SNX9: variants seen among roughly 807,000 people sequenced by gnomAD.
The protein encoded by SNX9 is sorting nexin-9.
In SNX9, 44 loss-of-function variants were observed where a neutral mutation model predicts 89.4. That is an observed-to-expected ratio of 0.49 (90% CI 0.39 to 0.63). SNX9 has a LOEUF of 0.63. Ranked by LOEUF, SNX9 falls within the 30% of genes least tolerant of loss-of-function variation. SNX9 has a pLI of 0.00. For synonymous variants in SNX9, 236 were observed against 247.8 expected (o/e 0.95, Z 0.45); for missense variants, 578 against 736.1 (o/e 0.79, Z 2.49).
intron 16 of SNX9, 48 bp from the exon 17 acceptor site, chr6:157,940,835 T>G: frequency 1.9e-6 from 3 of 1,553,544 alleles, no homozygotes; most frequent in Non-Finnish European, 2.7e-6. Context: ...GGTGTTGTCA[T>G]TTGAAAACTT....
chr6:157,938,746 A>G lies in SNX9; in HGVS notation c.1647A>G (p.Gln549=). 1 of 1,611,672 alleles carries G rather than the reference A, an allele frequency of 6.2e-7. No individual in the cohort carries two copies. The highest frequency in any genetic ancestry group is 1.3e-5 in the African/African-American group (1 of 74,914). Residue 549 remains glutamine (Q), a splice_region_variant and synonymous_variant, in exon 16 of 18, where the codon CAA becomes CAG. Transcript: ENST00000392185. ...KRVSIMSYAL[Q]AEMNHFHSNR... ...TCAGCATCATGTCTTACGCGTTGCA[A>G]GGTAAGATGAAAGGGTCCTTATGAG...
At chr6:157,942,692 T>A in intron 17 of SNX9, 99 bp from the exon 18 acceptor site, 2 of 1,283,596 alleles carry the variant, frequency 1.6e-6, no homozygotes, top group Non-Finnish European at 2.2e-6. Flanking sequence ...GAATTGGAAT[T>A]TGTGTCATGT....
chr6:157,843,414 C>CATATAA (rs1781741822), intron 1 of SNX9, among the ~76,000 whole-genome samples: 1 of 152,102 alleles, frequency 6.6e-6, no homozygotes, highest in African/African-American at 2.4e-5. Flanking sequence ...ATACGGTATT[C>CATATAA]TTACAGTAAA....
At chr6:157,852,760 G>A (rs76499900) in intron 1 of SNX9, among the ~76,000 whole-genome samples, 3,080 of 152,136 alleles carry the variant, frequency 0.02, 47 homozygotes, top group Non-Finnish European at 0.032. Context: ...TATTTGTAGA[G>A]ACAGGGTCTC....
At chr6:157,873,066 C>A in intron 2 of SNX9, 36 bp from the exon 3 acceptor site, 3 of 1,390,496 alleles carry the variant, frequency 2.2e-6, no homozygotes, top group Non-Finnish European at 1.9e-6. Context: ...CAACTGTAAT[C>A]TTTTTCTTTT....
At chr6:157,856,616 C>T (rs936850707) in intron 1 of SNX9, among the ~76,000 whole-genome samples, 5 of 152,166 alleles carry the variant, frequency 3.3e-5, no homozygotes, top group East Asian at 1.9e-4. Flanking sequence ...ATTACTATCA[C>T]GATCAATCTT....
At chr6:157,925,301 A>T (rs35250769) in intron 10 of SNX9, among the ~76,000 whole-genome samples, 1 of 150,902 alleles carries the variant, frequency 6.6e-6, no homozygotes, top group African/African-American at 2.5e-5. Context: ...CCACAATAAG[A>T]TGCCACTACA....
chr6:157,850,159 C>CGCAGTCAG (rs1396624427), intron 1 of SNX9, among the ~76,000 whole-genome samples: 1 of 152,080 alleles, frequency 6.6e-6, no homozygotes, highest in Admixed American at 6.5e-5. Flanking sequence ...CAATGTCAGA[C>CGCAGTCAG]GCAGTCAGGC....
At chr6:157,854,220 G>A (rs1271578758) in intron 1 of SNX9, among the ~76,000 whole-genome samples, 1 of 152,216 alleles carries the variant, frequency 6.6e-6, no homozygotes, top group African/African-American at 2.4e-5. Context: ...CCCCCAGTGA[G>A]CATGCAGTTT....
chr6:157,919,589 CTG>C (rs1279745149), intron 9 of SNX9, among the ~76,000 whole-genome samples: 43 of 152,086 alleles, frequency 2.8e-4, no homozygotes, highest in African/African-American at 9.2e-4. Flanking sequence ...TTTTGAAACT[CTG>C]TGTGTTGATT....
At chr6:157,926,780 CAAAAAAAAAAAA>C (rs71027371) in intron 10 of SNX9, among the ~76,000 whole-genome samples, 3 of 60,710 alleles carry the variant, frequency 4.9e-5, no homozygotes, top group East Asian at 5.3e-4. Context: ...GACTCTGTCT[CAAAAAAAAAAAA>C]AAAAAAAAAA....
At chr6:157,938,821 GAA>G in intron 16 of SNX9, 74 bp downstream of exon 16, 1 of 1,123,862 alleles carries the variant, frequency 8.9e-7, no homozygotes, top group Admixed American at 1.9e-5. Flanking sequence ...TTGATAGAGA[GAA>G]ATCCAGATGT....
At chr6:157,913,618 G>A (rs532371764) in intron 9 of SNX9, among the ~76,000 whole-genome samples, 8 of 152,258 alleles carry the variant, frequency 5.3e-5, no homozygotes, top group Non-Finnish European at 1.2e-4. Context: ...TCATGATACA[G>A]AACAGCTCCG....
At chr6:157,902,418 T>C (rs1783123993) in intron 6 of SNX9, among the ~76,000 whole-genome samples, 2 of 152,230 alleles carry the variant, frequency 1.3e-5, no homozygotes, top group South Asian at 4.1e-4. Context: ...TCACTTGCCA[T>C]GTGCCAGGCA....
At chr6:157,867,694 G>A (rs1290534192) in intron 2 of SNX9, 61 bp downstream of exon 2, 4 of 1,299,584 alleles carry the variant, frequency 3.1e-6, no homozygotes, top group East Asian at 2.9e-5. Flanking sequence ...AACAAATCCG[G>A]TAAGAGAACT....
At chr6:157,834,344 G>T (rs9356056) in intron 1 of SNX9, among the ~76,000 whole-genome samples, 13 of 146,860 alleles carry the variant, frequency 8.9e-5, no homozygotes, top group Non-Finnish European at 1.2e-4. Flanking sequence ...TAATTTAAAA[G>T]AATTTTTTTT....
Position 157,927,207 on chromosome 6 carries a change from G to C in SNX9, c.1177G>C (p.Val393Leu), listed in dbSNP as rs1232419707. 4 of 1,610,272 alleles carry C rather than the reference G, an allele frequency of 2.5e-6. No homozygotes were observed. The highest frequency in any genetic ancestry group is 3.4e-6 in the Non-Finnish European group (4 of 1,176,654). Residue 393 changes from valine (V) to leucine (L), a missense_variant, in exon 11 of 18, where the codon GTA (valine) becomes CTA (leucine). Val to Leu is a conservative substitution (Grantham distance 32). Around this residue, in one of 2 missense-constraint regions of SNX9, gnomAD observed 348 missense variants for 491.4 expected, o/e 0.71. Transcript: ENST00000392185. ...MEPEAPDLDL[V>L]EIEQKCEAVG... ...ACCAGAGGCACCTGACTTGGACTTA[G>C]TAGAAATGTGAGAGACGCTGCCAGG...
At position 157,835,758 on chromosome 6, in the gene SNX9, TC is replaced by T. The variant is rs748194641; in HGVS notation, c.12+12316del. On this transcript the variant is annotated intron_variant, in intron 1 of 17. Transcript: ENST00000392185. ...CACCTTGTGAAGAAGGTGCCTTGCT[TC>T]CCCTTCACTTTCCATCGTGGTTCAT... 6.6e-5 allele frequency among the ~76,000 whole-genome samples: 10 copies of T among 152,212 alleles called. No individual in the cohort carries two copies. The East Asian group carries it at 9.6e-4, about 15-fold the overall frequency.
chr6:157,855,904 TA>T (rs539221861), intron 1 of SNX9, among the ~76,000 whole-genome samples: 351 of 152,268 alleles, frequency 2.3e-3, no homozygotes, highest in Non-Finnish European at 3.6e-3. Flanking sequence ...GCCAAGCTAA[TA>T]TTTTTTTGTT....
Sources: gnomAD v4.1 joint callset for allele counts (sites outside exome capture counted in the v4.1 genomes callset) on GRCh38, gnomAD v4.1.1 for gene constraint, gnomAD v4.1.1 regional missense constraint, MANE v1.5 for transcripts, NCBI Gene and HGNC (gene_info 2026-07-23, HGNC 2026-07-21) for gene names.